The following SLC6A3 variants were observed in gnomAD, a reference collection of about 807,000 sequenced individuals.
SLC6A3 encodes the protein sodium-dependent dopamine transporter.
A neutral mutation model predicts 70.4 loss-of-function variants in SLC6A3; 19 were observed. The ratio of observed to expected loss-of-function variants is 0.27; its 90% CI spans 0.19 to 0.40. The LOEUF (loss-of-function observed/expected upper bound fraction) is 0.40. Ranked by LOEUF, SLC6A3 falls within the 10% of genes least tolerant of loss-of-function variation. The pLI is 1.00. For missense variants in SLC6A3, 613 were observed against 838.5 expected, an observed-to-expected ratio of 0.73 and a Z score of 3.32; for synonymous variants, 368 against 356.6, an observed-to-expected ratio of 1.03 and a Z score of -0.36.
At chr5:1,422,499 C>T (rs1184186255) in intron 4 of SLC6A3, among the ~76,000 whole-genome samples, 7 of 127,338 alleles carry the variant, frequency 5.5e-5, no homozygotes, top group Admixed American at 1.6e-4. Context: ...GTGCTGCCCA[C>T]GCTGCTGGGT....
At position 1,413,429 on chromosome 5, in the gene SLC6A3, GC is replaced by G. The variant is rs1210187799; in HGVS notation, c.1156+1261del. On this transcript the variant is annotated intron_variant, in intron 8 of 14. Transcript: ENST00000270349. This position sits in a 1 kb window ranked among gnomAD's most constrained non-coding sequence, Gnocchi z 7.1. ...CTACCTGCGGTGCGAGGGTCCTAGT[GC>G]CCCACTCTGTGAGACTCAGGTGCGG... Among the ~76,000 whole-genome samples, 2 of 152,150 alleles carry G rather than the reference GC, an allele frequency of 1.3e-5. No homozygotes were observed. The highest frequency in any genetic ancestry group is 2.9e-5 in the Non-Finnish European group (2 of 68,032).
intron 1 of SLC6A3, among the ~76,000 whole-genome samples, chr5:1,444,576 C>T (rs993563377): frequency 1.3e-5 from 2 of 152,258 alleles, no homozygotes; most frequent in Admixed American, 6.5e-5. Flanking sequence ...AGCTATGCCA[C>T]GCACCCGGTG....
chr5:1,443,312 C>G (rs1187437052), intron 1 of SLC6A3, 70 bp from the exon 2 acceptor site: 2 of 1,252,858 alleles, frequency 1.6e-6, no homozygotes, highest in African/African-American at 2.9e-5. Context: ...TAGGGACATA[C>G]CTGGTGCGGA....
chr5:1,414,386 A>G lies in SLC6A3; in HGVS notation c.1156+305T>C, dbSNP rs113948573. On this transcript the variant is annotated intron_variant, in intron 8 of 14. Transcript: ENST00000270349. ...GAGGCCCCGAGAGGCACAAGGCAGG[A>G]AAGGCACTGGGTGGGGGGGCCTGGA... is the stretch of plus-strand genomic sequence containing the variant. Among the ~76,000 whole-genome samples, 1,421 of 5,740 alleles carry G rather than the reference A, an allele frequency of 0.25. 48 individuals carry two copies. Among genetic ancestry groups the G allele is most frequent in the African/African-American group, 0.34 (1,297 of 3,804 alleles). The allele number at this position is 5,740 out of a possible 152,430, so 3.8% of individuals were successfully genotyped here.
At chr5:1,410,670 G>A (rs898875908) in intron 9 of SLC6A3, among the ~76,000 whole-genome samples, 2 of 152,180 alleles carry the variant, frequency 1.3e-5, no homozygotes, top group African/African-American at 4.8e-5. Flanking sequence ...TCCTCATGGG[G>A]TAGCTGAGGC....
chr5:1,418,026 C>T (rs905671623), intron 6 of SLC6A3, among the ~76,000 whole-genome samples: 1 of 152,196 alleles, frequency 6.6e-6, no homozygotes, highest in Non-Finnish European at 1.5e-5. Flanking sequence ...GGCCAGGCCC[C>T]GCAGTCAGGA....
Position 1,424,506 on chromosome 5 carries a change from C to T in SLC6A3, c.654-2492G>A, listed in dbSNP as rs533890752. ...CTGACCCCAGCATGCCACCCGCCCA[C>T]GCCTTGGCAGCCTCAGTGCCTCACA... On this transcript the variant is annotated intron_variant, in intron 4 of 14. Transcript: ENST00000270349. Among the ~76,000 whole-genome samples, 8 of 152,344 alleles carry T rather than the reference C, an allele frequency of 5.3e-5. No homozygotes were observed. In the South Asian group the frequency reaches 6.2e-4, roughly 12 times the overall value.
rs11564763 is a variant in SLC6A3, at chr5:1,406,548, G to A, written c.1499-260C>T. Among the ~76,000 whole-genome samples, 8,052 of 152,262 alleles carry A rather than the reference G, an allele frequency of 0.053. 246 individuals carry two copies. The highest frequency in any genetic ancestry group is 0.06 in the Non-Finnish European group (4,049 of 68,016). ...CCCCGGTGGGTGCTCCCCGCGCCCC[G>A]GCAACAGCCCCTCGGGTCCTCCTCC... On this transcript the variant is annotated intron_variant, in intron 11 of 14. Transcript: ENST00000270349. This position sits in a 1 kb window ranked among gnomAD's most constrained non-coding sequence, Gnocchi z 8.8.
At position 1,421,667 on chromosome 5, in the gene SLC6A3, A is replaced by G. The variant is rs1044705710; in HGVS notation, c.792+209T>C. 2.0e-5 allele frequency among the ~76,000 whole-genome samples: 3 copies of G among 151,176 alleles called. No individual in the cohort carries two copies. The highest frequency in any genetic ancestry group is 7.3e-5 in the African/African-American group (3 of 41,022). On this transcript the variant is annotated intron_variant, in intron 5 of 14. Coordinates refer to ENST00000270349, the MANE Select transcript of SLC6A3 (RefSeq NM_001044.5). The surrounding 1 kb of genome is among the most constrained non-coding windows in gnomAD (Gnocchi z 7.2). ...CACAGCCACAGGTGTACCCTCAATC[A>G]TGGCCACGTGTACACTCCCAACCTG... is the stretch of plus-strand genomic sequence containing the variant.
At chr5:1,398,058 G>C (rs935444577) in intron 14 of SLC6A3, among the ~76,000 whole-genome samples, 1 of 152,170 alleles carries the variant, frequency 6.6e-6, no homozygotes, top group African/African-American at 2.4e-5. Context: ...CTCAAGAGTA[G>C]CTATTAAAGG....
rs1378248068 is a variant in SLC6A3, at chr5:1,408,196, C to A, written c.1498+830G>T. Among the ~76,000 whole-genome samples, 4 of 142,732 alleles carry A rather than the reference C, an allele frequency of 2.8e-5. No homozygotes were observed. Among genetic ancestry groups the A allele is most frequent in the African/African-American group, 1.0e-4 (4 of 38,134 alleles). 93.6% of individuals were successfully genotyped at this position (142,732 alleles called of 152,430 possible). On this transcript the variant is annotated intron_variant, in intron 11 of 14. Transcript: ENST00000270349. This position sits in a 1 kb window ranked among gnomAD's most constrained non-coding sequence, Gnocchi z 6.4. ...GGATTATAGCCTTGTGCCACCACAC[C>A]CGGCTAATTTTTTTTTTTTTTTTTT...
At chr5:1,441,228 G>T in intron 3 of SLC6A3, 131 bp downstream of exon 3, 1 of 1,064,970 alleles carries the variant, frequency 9.4e-7, no homozygotes, top group Non-Finnish European at 1.4e-6. Flanking sequence ...AGTTCAAGTG[G>T]CGTGTGCCAT....
At position 1,408,203 on chromosome 5, in the gene SLC6A3, A is replaced by ATTTTTTTT. The variant is rs760385170; in HGVS notation, c.1498+815_1498+822dup. ...AGCCTTGTGCCACCACACCCGGCTA[A>ATTTTTTTT]TTTTTTTTTTTTTTTTTTTTAGTAA... On this transcript the variant is annotated intron_variant, in intron 11 of 14. Coordinates refer to ENST00000270349, the MANE Select transcript of SLC6A3 (RefSeq NM_001044.5). The surrounding 1 kb of genome is among the most constrained non-coding windows in gnomAD (Gnocchi z 6.4). Among the ~76,000 whole-genome samples the ATTTTTTTT allele has an allele frequency of 5.3e-5, 7 of 131,536 alleles. 1 individual carries two copies. The highest frequency in any genetic ancestry group is 8.0e-5 in the Non-Finnish European group (5 of 62,284). 86.3% of individuals were successfully genotyped at this position (131,536 alleles called of 152,430 possible).
intron 14 of SLC6A3, among the ~76,000 whole-genome samples, chr5:1,400,279 C>T (rs1035606245): frequency 6.6e-6 from 1 of 152,158 alleles, no homozygotes; most frequent in African/African-American, 2.4e-5. Context: ...GTCTCAGGGA[C>T]CCTGGTGTAG....
At chr5:1,416,594 A>C in intron 6 of SLC6A3, 1 of 358,568 alleles carries the variant, frequency 2.8e-6, no homozygotes, top group Non-Finnish European at 5.4e-6. Flanking sequence ...AAACATGACC[A>C]CAGTGTCCTA....
chr5:1,411,202 C>T lies in SLC6A3; in HGVS notation c.1269+41G>A. The stretch of plus-strand genomic sequence containing the variant: ...CAGGGCCCCCTCGGGTGGAAGGAAC[C>T]CAACTGCCGAGGACAGGGCCGGGCG... On this transcript the variant is annotated intron_variant, in intron 9 of 14. Coordinates refer to ENST00000270349, the MANE Select transcript of SLC6A3 (RefSeq NM_001044.5). This position sits in a 1 kb window ranked among gnomAD's most constrained non-coding sequence, Gnocchi z 6.5. 1 of 1,418,538 alleles carries T rather than the reference C, an allele frequency of 7.0e-7. No homozygotes were observed. Among genetic ancestry groups the T allele is most frequent in the Non-Finnish European group, 9.7e-7 (1 of 1,027,542 alleles). The allele number at this position is 1,418,538 out of a possible 1,614,324, so 87.9% of individuals were successfully genotyped here. A position where few individuals can be genotyped will look rare whatever the true frequency, so the allele number is the denominator to read the frequency against.
At chr5:1,417,606 G>C (rs1327888167) in intron 6 of SLC6A3, among the ~76,000 whole-genome samples, 1 of 152,214 alleles carries the variant, frequency 6.6e-6, no homozygotes, top group African/African-American at 2.4e-5. Context: ...GGACCATTGT[G>C]GTATTTTAAA....
At position 1,443,206 on chromosome 5, in the gene SLC6A3, T is replaced by G; in HGVS notation, c.-9A>C. The G allele has an allele frequency of 1.2e-6, 2 of 1,614,092 alleles. No individual in the cohort carries two copies. Among genetic ancestry groups the G allele is most frequent in the Non-Finnish European group, 1.7e-6 (2 of 1,179,946 alleles). ...CATTTGCTCTTACTCATGGGCACAC[T>G]GGGAGTTGAGGAATTCTGTGCTTCT... On this transcript the variant is annotated 5_prime_UTR_variant, in exon 2 of 15. Coordinates refer to ENST00000270349, the MANE Select transcript of SLC6A3 (RefSeq NM_001044.5).
intron 3 of SLC6A3, among the ~76,000 whole-genome samples, chr5:1,435,177 C>T (rs1164146516): frequency 2.0e-5 from 3 of 152,202 alleles, no homozygotes; most frequent in African/African-American, 7.2e-5. Context: ...TTCTATATTA[C>T]CGTCTGTCCG....
Sources: allele counts gnomAD v4.1 joint callset (sites outside exome capture counted in the v4.1 genomes callset), GRCh38; gene constraint gnomAD v4.1.1; non-coding constraint Gnocchi (gnomAD v3.1); transcripts MANE v1.5; gene names NCBI Gene and HGNC (gene_info 2026-07-23, HGNC 2026-07-21).